KLRG2: variants seen among roughly 807,000 people sequenced by gnomAD.
KLRG2 encodes the protein killer cell lectin like receptor G2, also known as killer cell lectin-like receptor subfamily G member 2.
KLRG2 carries 39 observed loss-of-function variants against 35.4 expected under a neutral mutation model. The ratio of observed to expected loss-of-function variants is 1.10; its 90% CI spans 0.85 to 1.44. KLRG2 has a LOEUF of 1.44. Among genes scored for constraint, KLRG2 ranks in the 40% most tolerant of loss-of-function variants. The probability of loss-of-function intolerance (pLI) is 0.00; values close to 1 mark genes in which losing one functional copy is unlikely to be tolerated. For missense variants in KLRG2, 632 were observed against 570.9 expected (o/e 1.11, Z -1.09); for synonymous variants, 283 against 265.8 (o/e 1.06, Z -0.63).
rs953170975 is a variant in KLRG2 at position 139,453,455 on chromosome 7, G to A, written c.*132C>T. On this transcript the variant is annotated 3_prime_UTR_variant, in exon 5 of 5. Transcript: ENST00000340940. The stretch of plus-strand genomic sequence containing the variant: ...AAGTCCAGCTCCTAGGCTCGCTCAT[G>A]TGGCCCCCTTGAGCAGAGCATGAAG... 3 of 918,532 alleles carry A rather than the reference G, an allele frequency of 3.3e-6. No individual in the cohort carries two copies. In the African/African-American group the frequency reaches 5.1e-5, roughly 15 times the overall value. 56.9% of individuals were successfully genotyped at this position (918,532 alleles called of 1,614,324 possible).
Position 139,483,254 on chromosome 7 carries a change from A to C in KLRG2, c.389T>G (p.Val130Gly). Reference protein sequence around the residue: ...APMELQVDVRVKPVGAAGGSS... With the variant: ...APMELQVDVRGKPVGAAGGSS... Reference sequence around the variant, plus strand: ...GCCACCGGCCGCGCCCACGGGCTTCACGCGCACATCTACCTGCAGCTCCAT... The same window carrying C: ...GCCACCGGCCGCGCCCACGGGCTTCCCGCGCACATCTACCTGCAGCTCCAT... The change falls in exon 1 of 5, where the codon GTG becomes GGG. Residue 130 changes from valine (V) to glycine (G), a missense_variant. Physicochemically the swap from Val to Gly is moderately radical, Grantham distance 109. Coordinates refer to ENST00000340940, the MANE Select transcript of KLRG2 (RefSeq NM_198508.4). 2 of 1,555,954 alleles carry C rather than the reference A, an allele frequency of 1.3e-6. No homozygotes were observed. The highest frequency in any genetic ancestry group is 1.7e-6 in the Non-Finnish European group (2 of 1,162,418).
In KLRG2 at chr7:139,476,914, G is replaced by A. The variant is rs553818599; in HGVS notation, c.1005+2713C>T. ...TTCTGTGATTTCCTGATTGACGTCT[G>A]CCTCACTCACTGCTGTCTTAGCTTT... On this transcript the variant is annotated intron_variant, in intron 3 of 4. Coordinates refer to ENST00000340940, the MANE Select transcript of KLRG2 (RefSeq NM_198508.4). Among the ~76,000 whole-genome samples, 60 of 152,264 alleles carry A rather than the reference G, an allele frequency of 3.9e-4. No homozygotes were observed. The South Asian group carries it at 0.012, about 32-fold the overall frequency.
In KLRG2 at chr7:139,453,652, C is replaced by T. The variant is rs1208653984; in HGVS notation, c.1165G>A (p.Gly389Ser). Residue 389 changes from glycine to serine, a missense_variant, in exon 5 of 5, where the codon GGC becomes AGC. Gly to Ser is a moderately conservative substitution (Grantham distance 56, BLOSUM62 0). Coordinates refer to ENST00000340940, the MANE Select transcript of KLRG2 (RefSeq NM_198508.4). ...CTGCAGTTTGCAGCCACCAGCGTGC[C>T]TTCCTCCAGGGCCCCACAGTTGATA... ...LDINCGALEE[G>S]TLVAANCSTP... 2 of 1,614,084 alleles carry T rather than the reference C, an allele frequency of 1.2e-6. No individual in the cohort carries two copies. The highest frequency in any genetic ancestry group is 2.2e-5 in the South Asian group (2 of 91,038).
At chr7:139,475,981 G>A (rs1350542186) in intron 3 of KLRG2, among the ~76,000 whole-genome samples, 2 of 152,056 alleles carry the variant, frequency 1.3e-5, no homozygotes, top group African/African-American at 4.8e-5. Flanking sequence ...TTTGGTCACA[G>A]ACGCTTTCTG....
rs1186507727 is a variant in KLRG2, at chr7:139,482,925, C to G, written c.718G>C (p.Asp240His). The part of the protein sequence containing the change: ...DAALLPRAGL[D>H]GDEKLPRAVT... ...GCCCGGGGCAGCTTCTCGTCGCCGT[C>G]CAACCCCGCGCGGGGCAACAGCGCC... is the stretch of plus-strand genomic sequence containing the variant. The change falls in exon 1 of 5, where the codon GAC becomes CAC. Residue 240 changes from aspartate to histidine, a missense_variant. Coordinates refer to ENST00000340940, the MANE Select transcript of KLRG2 (RefSeq NM_198508.4). 1 of 1,493,962 alleles carries G rather than the reference C, an allele frequency of 6.7e-7. No homozygotes were observed. The highest frequency in any genetic ancestry group is 1.3e-5 in the South Asian group (1 of 77,858). 92.5% of individuals were successfully genotyped at this position (1,493,962 alleles called of 1,614,324 possible). A position where few individuals can be genotyped will look rare whatever the true frequency, so the allele number is the denominator to read the frequency against.
chr7:139,464,863 A>T (rs1585168353), intron 3 of KLRG2, among the ~76,000 whole-genome samples: 1 of 152,116 alleles, frequency 6.6e-6, no homozygotes, highest in Admixed American at 6.6e-5. Context: ...AACTTCCAAA[A>T]TCTATTTTCT....
At chr7:139,473,261 A>G (rs1222024577) in intron 3 of KLRG2, among the ~76,000 whole-genome samples, 6 of 152,216 alleles carry the variant, frequency 3.9e-5, no homozygotes, top group Admixed American at 3.9e-4. Flanking sequence ...AGCCTGGGTG[A>G]CAGACCAAGA....
chr7:139,434,452 T>A, the KLRG2 span, among the ~76,000 whole-genome samples: 1 of 152,162 alleles, frequency 6.6e-6, no homozygotes, highest in Admixed American at 6.5e-5. Flanking sequence ...CAAGCCCCTT[T>A]ACACGGCAGT....
rs1226866638 is a variant in KLRG2 at position 139,482,896 on chromosome 7, T to C, written c.747A>G (p.Val249=). ...CAGGTGAGCACTCACCCGTAAGCGT[T>C]ACGGCCCGGGGCAGCTTCTCGTCGC... is the stretch of plus-strand genomic sequence containing the variant. ...LDGDEKLPRA[V]TLTGLPMYVK... is the part of the protein sequence containing the mutation. The change falls in exon 1 of 5, where the codon GTA becomes GTG. Residue 249 remains valine (V), a synonymous_variant. Transcript: ENST00000340940. The C allele has an allele frequency of 6.8e-7, 1 of 1,481,382 alleles. No homozygotes were observed. The highest frequency in any genetic ancestry group is 2.4e-5 in the Admixed American group (1 of 41,058). The allele number at this position is 1,481,382 out of a possible 1,614,324, so 91.8% of individuals were successfully genotyped here.
downstream of KLRG2, among the ~76,000 whole-genome samples, chr7:139,449,757 T>A (rs1796348329): frequency 6.8e-6 from 1 of 146,270 alleles, no homozygotes; most frequent in African/African-American, 2.6e-5. Flanking sequence ...TGGAGTGCAG[T>A]GGCACGATCT....
chr7:139,457,853 CAG>C (rs1266772070), intron 3 of KLRG2, among the ~76,000 whole-genome samples: 1 of 151,836 alleles, frequency 6.6e-6, no homozygotes, highest in East Asian at 1.9e-4. Flanking sequence ...AGGCATTGTT[CAG>C]AGTTATAAAT....
the KLRG2 span, among the ~76,000 whole-genome samples, chr7:139,443,567 T>C: frequency 6.9e-6 from 1 of 144,162 alleles, no homozygotes; most frequent in Admixed American, 6.8e-5. Flanking sequence ...GAGAGGGAGT[T>C]TGTTTATTTT....
the KLRG2 span, among the ~76,000 whole-genome samples, chr7:139,428,277 AC>A: frequency 1.3e-5 from 2 of 152,128 alleles, no homozygotes; most frequent in Non-Finnish European, 2.9e-5. Context: ...ACAGGGTCTC[AC>A]CATGTTGCCC....
chr7:139,436,778 T>C, the KLRG2 span, among the ~76,000 whole-genome samples: 1 of 152,240 alleles, frequency 6.6e-6, no homozygotes, highest in Non-Finnish European at 1.5e-5. Context: ...ACTAATGTAC[T>C]GGGTCATTGT....
At chr7:139,467,080 A>G (rs56355142) in intron 3 of KLRG2, among the ~76,000 whole-genome samples, 10 of 151,904 alleles carry the variant, frequency 6.6e-5, no homozygotes, top group African/African-American at 2.2e-4. Context: ...TACTCCTTTT[A>G]ACAACCCCAC....
the KLRG2 span, among the ~76,000 whole-genome samples, chr7:139,431,197 C>G: frequency 6.6e-6 from 1 of 152,094 alleles, no homozygotes; most frequent in South Asian, 2.1e-4. Context: ...AATCCTAGAA[C>G]AGGCAAAACT....
Position 139,461,759 on chromosome 7 carries a change from G to C in KLRG2, c.1006-7545C>G, listed in dbSNP as rs72485644. Among the ~76,000 whole-genome samples, 803 of 151,462 alleles carry C rather than the reference G, an allele frequency of 5.3e-3. 7 individuals are homozygous for C. The highest frequency in any genetic ancestry group is 0.018 in the African/African-American group (757 of 41,200). On this transcript the variant is annotated intron_variant, in intron 3 of 4. Coordinates refer to ENST00000340940, the MANE Select transcript of KLRG2 (RefSeq NM_198508.4). ...AGCTGCCCCACCCTTATCTCCCTTCGCTGACTCTTTTCGGACTCAGCCCGC... is the reference window on the plus strand; with the variant it reads ...AGCTGCCCCACCCTTATCTCCCTTCCCTGACTCTTTTCGGACTCAGCCCGC...
In KLRG2 at chr7:139,482,242, G is replaced by C. The variant is rs570019527; in HGVS notation, c.757+644C>G. Among the ~76,000 whole-genome samples the C allele has an allele frequency of 2.0e-5, 3 of 152,296 alleles. No individual in the cohort carries two copies. The East Asian group carries it at 5.8e-4, about 29-fold the overall frequency. ...GTCCTTGGCAGTGCAGGGATGGGGGGATCTGGGCTGCCACCCCTGCCACCT... is the reference window on the plus strand; with the variant it reads ...GTCCTTGGCAGTGCAGGGATGGGGGCATCTGGGCTGCCACCCCTGCCACCT... On this transcript the variant is annotated intron_variant, in intron 1 of 4. Coordinates refer to ENST00000340940, the MANE Select transcript of KLRG2 (RefSeq NM_198508.4).
intron 4 of KLRG2, 124 bp from the exon 5 acceptor site, chr7:139,453,831 C>T: frequency 8.7e-7 from 1 of 1,143,144 alleles, no homozygotes; most frequent in Non-Finnish European, 1.3e-6. Context: ...TGAGTCACTG[C>T]ACTGGTCAGC....
Sources: allele counts gnomAD v4.1 joint callset (sites outside exome capture counted in the v4.1 genomes callset), GRCh38; gene constraint gnomAD v4.1.1; transcripts MANE v1.5; gene names NCBI Gene and HGNC (gene_info 2026-07-23, HGNC 2026-07-21).